The following RLBP1 variants were observed in gnomAD, a reference collection of about 807,000 sequenced individuals.
RLBP1 encodes retinaldehyde binding protein 1, also known as retinaldehyde-binding protein 1.
Under a neutral mutation model 36.2 loss-of-function variants are expected in RLBP1, and 26 were observed. The observed-to-expected ratio is 0.72, with a 90% CI of 0.53 to 1.00. RLBP1 has a LOEUF of 1.00. RLBP1 is among the 50% of genes least tolerant of loss of function. RLBP1 has a pLI of 0.00. For missense variants in RLBP1, 410 were observed against 402.4 expected, an observed-to-expected ratio of 1.02 and a Z score of -0.16; for synonymous variants, 155 against 156.2, an observed-to-expected ratio of 0.99 and a Z score of 0.06.
chr15:89,212,617 T>C (rs1596181722), intron 6 of RLBP1, among the ~76,000 whole-genome samples: 1 of 124,874 alleles, frequency 8.0e-6, no homozygotes, highest in Non-Finnish European at 1.7e-5. Context: ...AATGTGTGTG[T>C]GTGTGCGCGT....
rs985567269 is a variant in RLBP1, at chr15:89,214,852, C to T, written c.525+208G>A. ...TGTATTATTGACCATCAAGCTCCAC[C>T]TGCAAAGCTACTGGGTTTTCCAGCT... On this transcript the variant is annotated intron_variant, in intron 6 of 8. Coordinates refer to ENST00000268125, the MANE Select transcript of RLBP1 (RefSeq NM_000326.5). The surrounding 1 kb of genome is among the most constrained non-coding windows in gnomAD (Gnocchi z 4.6). 6.6e-6 allele frequency among the ~76,000 whole-genome samples: 1 copy of T among 152,250 alleles called. No homozygotes were observed. Among genetic ancestry groups the T allele is most frequent in the Non-Finnish European group, 1.5e-5 (1 of 68,042 alleles).
Position 89,211,634 on chromosome 15 carries a change from G to T in RLBP1, c.684+109C>A. The T allele has an allele frequency of 8.8e-7, 1 of 1,138,986 alleles. No homozygotes were observed. Among genetic ancestry groups the T allele is most frequent in the Non-Finnish European group, 1.3e-6 (1 of 774,076 alleles). 70.6% of individuals were successfully genotyped at this position (1,138,986 alleles called of 1,614,324 possible). On this transcript the variant is annotated intron_variant, in intron 7 of 8. Coordinates refer to ENST00000268125, the MANE Select transcript of RLBP1 (RefSeq NM_000326.5). This position sits in a 1 kb window ranked among gnomAD's most constrained non-coding sequence, Gnocchi z 5.8. ...TGTGGCTGTCACTGCTCTTTATGGC[G>T]CGAGGTGGTCCAACTTCTCAGTTCC...
In RLBP1 at chr15:89,211,064, CT is replaced by C. The variant is rs1380885862; in HGVS notation, c.685-256del. Among the ~76,000 whole-genome samples, 1 of 152,212 alleles carries C rather than the reference CT, an allele frequency of 6.6e-6. No homozygotes were observed. The highest frequency in any genetic ancestry group is 1.5e-5 in the Non-Finnish European group (1 of 68,036). On this transcript the variant is annotated intron_variant, in intron 7 of 8. Transcript: ENST00000268125. This position sits in a 1 kb window ranked among gnomAD's most constrained non-coding sequence, Gnocchi z 5.8. ...CCTCTCCCTGCTGATGCAAATTAAA[CT>C]GGGAATTAGGAAAAGAAATGAAAGT...
chr15:89,215,537 A>G (rs981157672), intron 5 of RLBP1, among the ~76,000 whole-genome samples: 6 of 152,236 alleles, frequency 3.9e-5, no homozygotes, highest in Non-Finnish European at 7.3e-5. Context: ...CTTAAATATG[A>G]GGATAATCAT....
At chr15:89,212,601 A>G (rs944447951) in intron 6 of RLBP1, among the ~76,000 whole-genome samples, 1 of 129,248 alleles carries the variant, frequency 7.7e-6, no homozygotes, top group African/African-American at 3.0e-5. Context: ...AAAAAAAAAA[A>G]AGAAAAATGT....
intron 6 of RLBP1, among the ~76,000 whole-genome samples, chr15:89,212,901 G>A (rs139888795): frequency 0.03 from 4,490 of 151,794 alleles, 226 homozygotes; most frequent in African/African-American, 0.1. Flanking sequence ...GCTAATTTTT[G>A]TATTTTTAGT....
chr15:89,211,826 T>A lies in RLBP1; in HGVS notation c.601A>T (p.Ile201Phe). Residue 201 changes from isoleucine (I) to phenylalanine (F), a missense_variant, in exon 7 of 9, where the codon ATT becomes TTT. Ile to Phe is a conservative substitution (Grantham distance 21). Transcript: ENST00000268125. This position sits in a 1 kb window ranked among gnomAD's most constrained non-coding sequence, Gnocchi z 5.8. ...EETQINGFCI[I>F]ENFKGFTMQQ... The stretch of plus-strand genomic sequence containing the variant: ...ATGGTAAAGCCCTTGAAGTTCTCAA[T>A]GATGCAGAAGCCATTGATTTGAGTT... The A allele has an allele frequency of 1.2e-6, 2 of 1,614,224 alleles. No homozygotes were observed. The highest frequency in any genetic ancestry group is 1.7e-6 in the Non-Finnish European group (2 of 1,180,024).
Position 89,211,986 on chromosome 15 carries a change from C to T in RLBP1, c.526-85G>A, listed in dbSNP as rs997756809. On this transcript the variant is annotated intron_variant, in intron 6 of 8. Transcript: ENST00000268125. The surrounding 1 kb of genome is among the most constrained non-coding windows in gnomAD (Gnocchi z 5.8). ...GTCCTGAGGGGAGAGCTAATTGGTA[C>T]ATTCTTCACTGGGGTAATTTGCTGC... 2.9e-6 allele frequency: 4 copies of T among 1,383,062 alleles called. No individual in the cohort carries two copies. Among genetic ancestry groups the T allele is most frequent in the South Asian group, 2.4e-5 (2 of 83,892 alleles). The allele number at this position is 1,383,062 out of a possible 1,614,324, so 85.7% of individuals were successfully genotyped here.
In RLBP1 at chr15:89,217,213, C is replaced by A; in HGVS notation, c.253G>T (p.Ala85Ser). Residue 85 changes from alanine to serine, a missense_variant, in exon 5 of 9, where the codon GCG becomes TCG. By Grantham distance (99) the Ala-to-Ser change is moderately conservative. Coordinates refer to ENST00000268125, the MANE Select transcript of RLBP1 (RefSeq NM_000326.5). ...ASGEELAVAV[A>S]ERVQEKDSGF... ...CTGTCCTTCTCTTGCACCCTCTCCG[C>A]CACGGCCACCGCCAGCTCCTCCCCC... The A allele has an allele frequency of 6.2e-7, 1 of 1,613,382 alleles. No individual in the cohort carries two copies. Among genetic ancestry groups the A allele is most frequent in the Admixed American group, 1.7e-5 (1 of 60,022 alleles).
rs990413630 is a variant in RLBP1 at position 89,219,199 on chromosome 15, A to G, written c.-100-124T>C. ...AGGTGCCTGGGTCCCAACCTCCATG[A>G]TTCTGACTCTGCAGGTGCAGGCTGT... On this transcript the variant is annotated intron_variant, in intron 2 of 8. Coordinates refer to ENST00000268125, the MANE Select transcript of RLBP1 (RefSeq NM_000326.5). 3 of 620,810 alleles carry G rather than the reference A, an allele frequency of 4.8e-6. No homozygotes were observed. The African/African-American group carries it at 5.5e-5, about 11-fold the overall frequency. 38.5% of individuals were successfully genotyped at this position (620,810 alleles called of 1,614,324 possible). A position where few individuals can be genotyped will look rare whatever the true frequency, so the allele number is the denominator to read the frequency against.
rs1446739716 is a variant in RLBP1, at chr15:89,210,910, T to G, written c.685-101A>C. 9.9e-6 allele frequency: 8 copies of G among 811,468 alleles called. No individual in the cohort carries two copies. Among genetic ancestry groups the G allele is most frequent in the Non-Finnish European group, 1.6e-5 (8 of 490,132 alleles). 50.3% of individuals were successfully genotyped at this position (811,468 alleles called of 1,614,324 possible). ...CTCCTCATGGCATAGAACAGACTTG[T>G]CCAGCATCACAGGGCTGCCCTGGAG... is the stretch of plus-strand genomic sequence containing the variant. On this transcript the variant is annotated intron_variant, in intron 7 of 8. Transcript: ENST00000268125. This position sits in a 1 kb window ranked among gnomAD's most constrained non-coding sequence, Gnocchi z 4.7.
In RLBP1 at chr15:89,210,817, G is replaced by A. The variant is rs761966746; in HGVS notation, c.685-8C>T. 5 of 1,560,228 alleles carry A rather than the reference G, an allele frequency of 3.2e-6. No individual in the cohort carries two copies. In the Admixed American group the frequency reaches 9.2e-5, roughly 29 times the overall value. On this transcript the variant is annotated splice_region_variant and splice_polypyrimidine_tract_variant and intron_variant, in intron 7 of 8. Transcript: ENST00000268125. The surrounding 1 kb of genome is among the most constrained non-coding windows in gnomAD (Gnocchi z 4.7). ...CCGGGCTGGGAAGGAATCCTGCGGTGACAGAGAGATACCCCGTTCCCCATG... is the reference window on the plus strand; with the variant it reads ...CCGGGCTGGGAAGGAATCCTGCGGTAACAGAGAGATACCCCGTTCCCCATG...
chr15:89,215,507 G>A (rs970834811), intron 5 of RLBP1, among the ~76,000 whole-genome samples: 3 of 152,148 alleles, frequency 2.0e-5, no homozygotes, highest in Admixed American at 6.5e-5. Context: ...TCATAAGCTT[G>A]GGCAAACATG....
chr15:89,216,459 A>G (rs2051581097), intron 5 of RLBP1, among the ~76,000 whole-genome samples: 1 of 152,184 alleles, frequency 6.6e-6, no homozygotes, highest in Non-Finnish European at 1.5e-5. Flanking sequence ...AGTAGCTGAG[A>G]TTACAGGCAT....
intron 5 of RLBP1, 97 bp from the exon 6 acceptor site, chr15:89,215,335 C>CT: frequency 4.0e-6 from 5 of 1,243,286 alleles, no homozygotes; most frequent in Non-Finnish European, 4.6e-6. Context: ...CCTGCCAGGT[C>CT]CTATGTGTGA....
Position 89,211,625 on chromosome 15 carries a change from C to G in RLBP1, c.684+118G>C, listed in dbSNP as rs1299269837. ...GGTTGGGACTGTGGCTGTCACTGCT[C>G]TTTATGGCGCGAGGTGGTCCAACTT... On this transcript the variant is annotated intron_variant, in intron 7 of 8. Transcript: ENST00000268125. This position sits in a 1 kb window ranked among gnomAD's most constrained non-coding sequence, Gnocchi z 5.8. 6 of 1,033,670 alleles carry G rather than the reference C, an allele frequency of 5.8e-6. No individual in the cohort carries two copies. The highest frequency in any genetic ancestry group is 8.7e-6 in the Non-Finnish European group (6 of 689,790). 64.0% of individuals were successfully genotyped at this position (1,033,670 alleles called of 1,614,324 possible).
chr15:89,214,958 G>T lies in RLBP1; in HGVS notation c.525+102C>A. 1 of 1,274,388 alleles carries T rather than the reference G, an allele frequency of 7.8e-7. No individual in the cohort carries two copies. 78.9% of individuals were successfully genotyped at this position (1,274,388 alleles called of 1,614,324 possible). On this transcript the variant is annotated intron_variant, in intron 6 of 8. Transcript: ENST00000268125. This position sits in a 1 kb window ranked among gnomAD's most constrained non-coding sequence, Gnocchi z 4.6. ...GGCTGCCCACCTTTCCCCCTCTACA[G>T]ACCTTGCCTCCTGGAGAACCAGGAA...
In RLBP1 at chr15:89,210,247, A is replaced by T; in HGVS notation, c.*38T>A. The T allele has an allele frequency of 6.2e-7, 1 of 1,608,228 alleles. No homozygotes were observed. Among genetic ancestry groups the T allele is most frequent in the Non-Finnish European group, 8.5e-7 (1 of 1,176,246 alleles). ...GTCCAGGACAGTTGAGGAGAGGCCC[A>T]GAGATTCTAACTACAGTTCAGCTGG... On this transcript the variant is annotated 3_prime_UTR_variant, in exon 9 of 9. Coordinates refer to ENST00000268125, the MANE Select transcript of RLBP1 (RefSeq NM_000326.5). The surrounding 1 kb of genome is among the most constrained non-coding windows in gnomAD (Gnocchi z 4.7).
Position 89,218,702 on chromosome 15 carries a change from AGAAAG to A in RLBP1, c.13-14_13-10del. ...ATGCGGAACGTGCCCACCTGGGCAGAGAAAGGAAAAAGAGGAACAGCCAACCGCAT... is the reference window on the plus strand; with the variant it reads ...ATGCGGAACGTGCCCACCTGGGCAGAGAAAAAGAGGAACAGCCAACCGCAT... On this transcript the variant is annotated splice_polypyrimidine_tract_variant and intron_variant, in intron 3 of 8. Transcript: ENST00000268125. The surrounding 1 kb of genome is among the most constrained non-coding windows in gnomAD (Gnocchi z 4.6). The A allele has an allele frequency of 5.6e-6, 9 of 1,613,926 alleles. 1 individual carries two copies. The highest frequency in any genetic ancestry group is 7.6e-6 in the Non-Finnish European group (9 of 1,180,034).
Sources: allele counts gnomAD v4.1 joint callset (sites outside exome capture counted in the v4.1 genomes callset), GRCh38; gene constraint gnomAD v4.1.1; non-coding constraint Gnocchi (gnomAD v3.1); transcripts MANE v1.5; gene names NCBI Gene and HGNC (gene_info 2026-07-23, HGNC 2026-07-21).